Variants in GGNBP2 observed in about 807,000 individuals in gnomAD.
GGNBP2 encodes the protein gametogenetin binding protein 2, also known as gametogenetin-binding protein 2.
GGNBP2 carries 10 observed loss-of-function variants against 85.9 expected under a neutral mutation model. The observed-to-expected ratio is 0.12, with a 90% CI of 0.07 to 0.20. The LOEUF (loss-of-function observed/expected upper bound fraction) is 0.20, where lower values mean the gene tolerates loss of function less well. Among genes scored for constraint, GGNBP2 ranks in the 10% least tolerant of loss-of-function variants. GGNBP2 has a pLI of 1.00. For missense variants in GGNBP2, 595 were observed against 857.8 expected (o/e 0.69, Z 3.83); for synonymous variants, 287 against 285.7 (o/e 1.00, Z -0.05).
chr17:36,583,005 A>G (rs1245327656), intron 9 of GGNBP2, among the ~76,000 whole-genome samples: 1 of 152,216 alleles, frequency 6.6e-6, no homozygotes, highest in African/African-American at 2.4e-5. Context: ...GTATTATACT[A>G]TATATATTTT....
intron 12 of GGNBP2, 79 bp from the exon 13 acceptor site, chr17:36,586,918 T>TG: frequency 1.9e-5 from 1 of 52,796 alleles, no homozygotes; most frequent in Non-Finnish European, 3.6e-5. Context: ...CGTGCCCCGC[T>TG]TTTTTTTTTT....
At chr17:36,574,639 A>AC in intron 6 of GGNBP2, 1 of 583,528 alleles carries the variant, frequency 1.7e-6, no homozygotes, top group Non-Finnish European at 3.0e-6. Context: ...TGGTATAGTT[A>AC]CCCAGGGCGG....
intron 6 of GGNBP2, chr17:36,576,593 A>ATGTGTGTGTGTGTGTGTGTG (rs1401978308): frequency 4.3e-5 from 2 of 46,038 alleles, no homozygotes; most frequent in African/African-American, 9.3e-5. Context: ...AAATATATAT[A>ATGTGTGTGTGTGTGTGTGTG]TATGTGTGTG....
chr17:36,562,985 G>A (rs1030505627), intron 5 of GGNBP2, among the ~76,000 whole-genome samples: 1 of 135,586 alleles, frequency 7.4e-6, no homozygotes, highest in Non-Finnish European at 1.6e-5. Flanking sequence ...AAAAAAAAAG[G>A]CTGGGCGTGG....
chr17:36,577,701 T>G, intron 6 of GGNBP2: 2 of 446,998 alleles, frequency 4.5e-6, no homozygotes, highest in South Asian at 4.7e-5. Flanking sequence ...ACTAATACTT[T>G]TCTGGGCATG....
At chr17:36,569,791 C>A (rs1221112614) in intron 6 of GGNBP2, among the ~76,000 whole-genome samples, 1 of 152,156 alleles carries the variant, frequency 6.6e-6, no homozygotes, top group Non-Finnish European at 1.5e-5. Context: ...AATTGATCCT[C>A]CCAAAAGATA....
intron 5 of GGNBP2, among the ~76,000 whole-genome samples, chr17:36,561,468 A>G (rs2074415878): frequency 6.6e-6 from 1 of 152,066 alleles, no homozygotes; most frequent in Non-Finnish European, 1.5e-5. Context: ...GAACGTTTTC[A>G]AAGTAGTGGT....
intron 6 of GGNBP2, among the ~76,000 whole-genome samples, chr17:36,571,557 A>AG (rs2074524652): frequency 6.6e-6 from 1 of 152,038 alleles, no homozygotes; most frequent in African/African-American, 2.4e-5. Flanking sequence ...CACAAAAAAA[A>AG]CAGGCCGGGT....
At chr17:36,563,972 G>T (rs936911842) in intron 5 of GGNBP2, among the ~76,000 whole-genome samples, 7 of 152,176 alleles carry the variant, frequency 4.6e-5, no homozygotes, top group Non-Finnish European at 8.8e-5. Context: ...TCGAACTCCT[G>T]ACCTCAGGTG....
At chr17:36,561,043 A>G (rs1430844324) in intron 5 of GGNBP2, among the ~76,000 whole-genome samples, 172 bp downstream of exon 5, 1 of 152,212 alleles carries the variant, frequency 6.6e-6, no homozygotes, top group South Asian at 2.1e-4. Context: ...TTGCCTTGAT[A>G]TATATAAAGT....
intron 10 of GGNBP2, 116 bp from the exon 11 acceptor site, chr17:36,585,724 C>G (rs1224404592): frequency 7.0e-6 from 6 of 851,662 alleles, no homozygotes; most frequent in Non-Finnish European, 1.1e-5. Flanking sequence ...TGGAAATGTT[C>G]TACTTTTAAT....
Position 36,545,659 on chromosome 17 carries a change from A to AGCAGCG in GGNBP2, c.-63_-58dup. ...AGGCGGCAGCGGCGGCGGCAGAAAC[A>AGCAGCG]GCAGCGGCGGCGGCGGCGGCAGCTG... On this transcript the variant is annotated 5_prime_UTR_variant, in exon 2 of 14. Transcript: ENST00000613102. 1 of 1,280,502 alleles carries AGCAGCG rather than the reference A, an allele frequency of 7.8e-7. No homozygotes were observed. Among genetic ancestry groups the AGCAGCG allele is most frequent in the Non-Finnish European group, 1.1e-6 (1 of 903,186 alleles). The allele number at this position is 1,280,502 out of a possible 1,614,324, so 79.3% of individuals were successfully genotyped here.
intron 6 of GGNBP2, among the ~76,000 whole-genome samples, chr17:36,575,636 A>G (rs1451624208): frequency 8.0e-5 from 4 of 49,832 alleles, no homozygotes; most frequent in Non-Finnish European, 1.5e-4. Context: ...ATATATATAT[A>G]TATATATATA....
At chr17:36,585,052 CTT>C (rs2142786812) in intron 9 of GGNBP2, among the ~76,000 whole-genome samples, 1 of 151,898 alleles carries the variant, frequency 6.6e-6, no homozygotes, top group Admixed American at 6.6e-5. Flanking sequence ...AGTGAAATAT[CTT>C]TTTGTGAGAG....
intron 9 of GGNBP2, 184 bp downstream of exon 9, chr17:36,581,722 T>C (rs2074652488): frequency 5.3e-6 from 2 of 380,566 alleles, no homozygotes; most frequent in Admixed American, 9.0e-5. Flanking sequence ...TCTCTATTTA[T>C]TTTATTTTAT....
chr17:36,581,293 A>C, intron 8 of GGNBP2, 51 bp from the exon 9 acceptor site: 1 of 1,295,184 alleles, frequency 7.7e-7, no homozygotes, highest in Non-Finnish European at 1.1e-6. Context: ...TCAAAAAAAA[A>C]AGAAAAGAAG....
chr17:36,562,850 A>T (rs2074431190), intron 5 of GGNBP2, among the ~76,000 whole-genome samples: 1 of 147,948 alleles, frequency 6.8e-6, no homozygotes, highest in East Asian at 2.1e-4. Context: ...CTGTGATCCC[A>T]GCTACTTAGG....
At chr17:36,585,489 C>G (rs763136633) in intron 10 of GGNBP2, 39 bp downstream of exon 10, 7 of 1,380,828 alleles carry the variant, frequency 5.1e-6, no homozygotes, top group Non-Finnish European at 6.0e-6. Context: ...ACTCTTAACT[C>G]TATTCTTTCT....
chr17:36,570,547 A>C (rs2074512952), intron 6 of GGNBP2, among the ~76,000 whole-genome samples: 1 of 152,058 alleles, frequency 6.6e-6, no homozygotes, highest in Non-Finnish European at 1.5e-5. Context: ...TAAATATACA[A>C]AAATTAGCTG....
Sources: gnomAD v4.1 joint callset for allele counts (sites outside exome capture counted in the v4.1 genomes callset) on GRCh38, gnomAD v4.1.1 for gene constraint, MANE v1.5 for transcripts, NCBI Gene and HGNC (gene_info 2026-07-23, HGNC 2026-07-21) for gene names.